Variants in GRIN2B observed in about 807,000 individuals in gnomAD.
The protein encoded by GRIN2B is glutamate ionotropic receptor NMDA type subunit 2B, also known as glutamate receptor ionotropic, NMDA 2B.
Under a neutral mutation model 114.5 loss-of-function variants are expected in GRIN2B, and 5 were observed. The observed-to-expected ratio is 0.04, with a 90% CI of 0.02 to 0.09. GRIN2B has a LOEUF of 0.09. Among genes scored for constraint, GRIN2B ranks in the 10% least tolerant of loss-of-function variants. GRIN2B has a pLI of 1.00. For missense variants in GRIN2B, 1,108 were observed against 1,943.5 expected (o/e 0.57, Z 8.08); for synonymous variants, 787 against 745.1 (o/e 1.06, Z -0.92).
chr12:13,630,019 T>A (rs527279260), intron 5 of GRIN2B, among the ~76,000 whole-genome samples: 12 of 152,332 alleles, frequency 7.9e-5, no homozygotes, highest in African/African-American at 2.2e-4. Flanking sequence ...TCTAACTGCT[T>A]ATGTGTCTGG....
chr12:13,640,874 T>C (rs183385324), intron 5 of GRIN2B, among the ~76,000 whole-genome samples: 27 of 152,148 alleles, frequency 1.8e-4, no homozygotes, highest in Admixed American at 1.2e-3. Context: ...TAAAAAAAAT[T>C]TGAAGTTTTT....
chr12:13,602,130 C>A (rs1439733500), intron 10 of GRIN2B, among the ~76,000 whole-genome samples: 1 of 152,160 alleles, frequency 6.6e-6, no homozygotes, highest in African/African-American at 2.4e-5. Context: ...GAACAAAAGG[C>A]AAGTGTCCTC....
chr12:13,971,925 T>C (rs1399071153), intron 2 of GRIN2B, among the ~76,000 whole-genome samples: 1 of 152,140 alleles, frequency 6.6e-6, no homozygotes, highest in Admixed American at 6.5e-5. Context: ...CTAAGTACCG[T>C]CATATCCCAA....
chr12:13,766,661 A>G (rs562490692), intron 3 of GRIN2B, among the ~76,000 whole-genome samples: 1 of 152,366 alleles, frequency 6.6e-6, no homozygotes, highest in East Asian at 1.9e-4. Flanking sequence ...AGATTAGATT[A>G]ATATGACAGG....
intron 3 of GRIN2B, among the ~76,000 whole-genome samples, chr12:13,762,140 A>C (rs1021977269): frequency 5.9e-5 from 9 of 152,112 alleles, no homozygotes; most frequent in African/African-American, 2.2e-4. Context: ...AGTAGCTGGG[A>C]CTACAGGCGC....
In GRIN2B at chr12:13,615,366, G is replaced by A; in HGVS notation, c.1501-99C>T. The A allele has an allele frequency of 7.1e-7, 1 of 1,400,708 alleles. No homozygotes were observed. The highest frequency in any genetic ancestry group is 1.4e-5 in the African/African-American group (1 of 70,860). 86.8% of individuals were successfully genotyped at this position (1,400,708 alleles called of 1,614,324 possible). A position where few individuals can be genotyped will look rare whatever the true frequency, so the allele number is the denominator to read the frequency against. ...ATCAGTGGTTTTCTTTGTATAGTGG[G>A]AACAATACATCTTATTTGCCATTTT... On this transcript the variant is annotated intron_variant, in intron 7 of 13. Coordinates refer to ENST00000609686, the MANE Select transcript of GRIN2B (RefSeq NM_000834.5). This position sits in a 1 kb window ranked among gnomAD's most constrained non-coding sequence, Gnocchi z 5.8.
intron 2 of GRIN2B, among the ~76,000 whole-genome samples, chr12:13,903,516 T>C (rs1425860538): frequency 3.3e-5 from 5 of 152,166 alleles, no homozygotes; most frequent in Non-Finnish European, 7.4e-5. Context: ...TGAGATTTGC[T>C]AGTTGTCCTT....
chr12:13,619,331 T>G (rs1949488102), intron 5 of GRIN2B, among the ~76,000 whole-genome samples: 1 of 152,220 alleles, frequency 6.6e-6, no homozygotes, highest in South Asian at 2.1e-4. Flanking sequence ...CAAAAGCTAT[T>G]GCAATAACAA....
At chr12:13,613,999 C>A (rs1591641854) in intron 8 of GRIN2B, among the ~76,000 whole-genome samples, 3 of 116,492 alleles carry the variant, frequency 2.6e-5, no homozygotes, top group African/African-American at 3.2e-5. Context: ...CTTAATGTTC[C>A]AACTATCCTT....
chr12:13,784,525 C>T (rs983828513), intron 3 of GRIN2B, among the ~76,000 whole-genome samples: 8 of 152,044 alleles, frequency 5.3e-5, no homozygotes, highest in Non-Finnish European at 8.8e-5. Context: ...AATGTGACTT[C>T]GCTGTCTCCC....
intron 2 of GRIN2B, among the ~76,000 whole-genome samples, chr12:13,942,060 G>A (rs1390488978): frequency 6.6e-6 from 1 of 152,190 alleles, no homozygotes; most frequent in Non-Finnish European, 1.5e-5. Flanking sequence ...TTGAAAAAAG[G>A]TCTGCTTTTA....
intron 5 of GRIN2B, among the ~76,000 whole-genome samples, chr12:13,670,855 A>T (rs115556875): frequency 6.6e-6 from 1 of 152,122 alleles, no homozygotes; most frequent in Admixed American, 6.5e-5. Flanking sequence ...TGATCCAGAG[A>T]TCTCTTTGCT....
chr12:13,714,242 T>C (rs1056659606), intron 4 of GRIN2B, among the ~76,000 whole-genome samples: 1 of 151,670 alleles, frequency 6.6e-6, no homozygotes, highest in African/African-American at 2.4e-5. Flanking sequence ...GCAGTAAAAA[T>C]CTGTTTGCAG....
At chr12:13,720,296 G>T (rs1370144618) in intron 4 of GRIN2B, among the ~76,000 whole-genome samples, 1 of 151,872 alleles carries the variant, frequency 6.6e-6, no homozygotes, top group Non-Finnish European at 1.5e-5. Flanking sequence ...ATACAAAATG[G>T]CATGCCCTTT....
chr12:13,926,454 T>C (rs955263402), intron 2 of GRIN2B, among the ~76,000 whole-genome samples: 2 of 152,182 alleles, frequency 1.3e-5, no homozygotes, highest in African/African-American at 4.8e-5. Flanking sequence ...GGTTTTATCC[T>C]TCTCCAGTTG....
At chr12:13,862,757 G>T (rs1865770193) in intron 3 of GRIN2B, among the ~76,000 whole-genome samples, 1 of 151,922 alleles carries the variant, frequency 6.6e-6, no homozygotes, top group Admixed American at 6.6e-5. Context: ...CTGAGATTTG[G>T]GGACTCTTTT....
intron 3 of GRIN2B, among the ~76,000 whole-genome samples, chr12:13,832,784 T>C (rs986635603): frequency 1.3e-5 from 2 of 152,192 alleles, no homozygotes; most frequent in East Asian, 3.8e-4. Flanking sequence ...TAAATATTTT[T>C]GCATTGTCAT....
At chr12:13,695,408 G>T (rs1287356821) in intron 4 of GRIN2B, among the ~76,000 whole-genome samples, 1 of 152,160 alleles carries the variant, frequency 6.6e-6, no homozygotes, top group Non-Finnish European at 1.5e-5. Context: ...TTATAGAGAA[G>T]TAAGAACATA....
At chr12:13,886,572 G>T (rs1017547044) in intron 2 of GRIN2B, among the ~76,000 whole-genome samples, 1 of 152,140 alleles carries the variant, frequency 6.6e-6, no homozygotes, top group African/African-American at 2.4e-5. Context: ...AAGAGAAACA[G>T]AAATGGCACC....
Sources: allele counts gnomAD v4.1 joint callset (sites outside exome capture counted in the v4.1 genomes callset), GRCh38; gene constraint gnomAD v4.1.1; non-coding constraint Gnocchi (gnomAD v3.1); transcripts MANE v1.5; gene names NCBI Gene and HGNC (gene_info 2026-07-23, HGNC 2026-07-21).